The following CDKAL1 variants were observed in gnomAD, a reference collection of about 807,000 sequenced individuals.
CDKAL1 encodes the protein threonylcarbamoyladenosine tRNA methylthiotransferase.
Under a neutral mutation model 68.2 loss-of-function variants are expected in CDKAL1, and 32 were observed. The observed-to-expected ratio is 0.47, with a 90% CI of 0.35 to 0.63. CDKAL1 has a LOEUF of 0.63. CDKAL1 is among the 30% of genes least tolerant of loss of function. The pLI is 0.00. For missense variants in CDKAL1, 606 were observed against 696.7 expected, an observed-to-expected ratio of 0.87 and a Z score of 1.47; for synonymous variants, 234 against 244.3, an observed-to-expected ratio of 0.96 and a Z score of 0.39.
chr6:21,021,181 G>A (rs1269154278), intron 11 of CDKAL1, among the ~76,000 whole-genome samples: 1 of 152,158 alleles, frequency 6.6e-6, no homozygotes, highest in African/African-American at 2.4e-5. Context: ...TATCTTTGTG[G>A]TATGTGGACC....
intron 8 of CDKAL1, among the ~76,000 whole-genome samples, chr6:20,819,164 AT>A (rs1388657910): frequency 6.6e-6 from 1 of 152,004 alleles, no homozygotes; most frequent in Non-Finnish European, 1.5e-5. Flanking sequence ...CAAAACTTTG[AT>A]TTAATGTCTG....
intron 9 of CDKAL1, 101 bp from the exon 10 acceptor site, chr6:20,955,318 A>T: frequency 8.3e-7 from 1 of 1,199,798 alleles, no homozygotes; most frequent in Non-Finnish European, 1.2e-6. Flanking sequence ...GACTGCCTGA[A>T]TAATAGTGTT....
At chr6:21,069,179 T>G (rs886188144) in intron 12 of CDKAL1, among the ~76,000 whole-genome samples, 1 of 152,198 alleles carries the variant, frequency 6.6e-6, no homozygotes, top group Admixed American at 6.5e-5. Flanking sequence ...TATCTTACTA[T>G]ACTGGCAAGA....
intron 4 of CDKAL1, among the ~76,000 whole-genome samples, chr6:20,588,202 A>G (rs1211100026): frequency 6.6e-6 from 1 of 152,226 alleles, no homozygotes; most frequent in Non-Finnish European, 1.5e-5. Flanking sequence ...TCCAGTAGAG[A>G]TAATTAAGGC....
intron 15 of CDKAL1, among the ~76,000 whole-genome samples, chr6:21,206,417 T>C (rs1302306551): frequency 6.6e-6 from 1 of 152,216 alleles, no homozygotes; most frequent in Non-Finnish European, 1.5e-5. Context: ...AAAGGCTAAC[T>C]AGTTTTACTA....
intron 15 of CDKAL1, among the ~76,000 whole-genome samples, chr6:21,201,957 T>TA (rs551965098): frequency 0.12 from 18,154 of 145,574 alleles, 1,262 homozygotes; most frequent in Non-Finnish European, 0.16. Flanking sequence ...GTTAAGCGCT[T>TA]AAAAAAAAAA....
At chr6:20,988,698 G>T (rs569267506) in intron 10 of CDKAL1, among the ~76,000 whole-genome samples, 69 of 152,054 alleles carry the variant, frequency 4.5e-4, no homozygotes, top group African/African-American at 1.5e-3. Flanking sequence ...TCGCCAGGCT[G>T]GAGTGCAGTG....
intron 12 of CDKAL1, among the ~76,000 whole-genome samples, chr6:21,105,078 T>G (rs1773781516): frequency 6.6e-6 from 1 of 152,204 alleles, no homozygotes; most frequent in South Asian, 2.1e-4. Context: ...ACAAAGGAAG[T>G]GTTAGCATCC....
intron 4 of CDKAL1, among the ~76,000 whole-genome samples, chr6:20,591,691 G>A (rs182987366): frequency 1.2e-3 from 183 of 152,130 alleles, no homozygotes; most frequent in Non-Finnish European, 1.3e-3. Flanking sequence ...TAGATGTGTG[G>A]CATTATTTCT....
At chr6:20,953,884 A>G (rs1170635544) in intron 9 of CDKAL1, among the ~76,000 whole-genome samples, 3 of 152,222 alleles carry the variant, frequency 2.0e-5, no homozygotes, top group Non-Finnish European at 4.4e-5. Flanking sequence ...GATGCTAAAA[A>G]TATCTTCAGC....
chr6:20,535,615 C>G (rs909698167), intron 2 of CDKAL1, among the ~76,000 whole-genome samples: 1 of 151,956 alleles, frequency 6.6e-6, no homozygotes, highest in African/African-American at 2.4e-5. Flanking sequence ...TTTGAGATGC[C>G]CTTTTCATTT....
At chr6:20,947,756 A>G (rs912213358) in intron 9 of CDKAL1, among the ~76,000 whole-genome samples, 3 of 152,164 alleles carry the variant, frequency 2.0e-5, no homozygotes, top group Admixed American at 6.5e-5. Context: ...CCTATTTTAT[A>G]ATATAGTGTT....
chr6:20,553,797 G>A (rs1763926927), intron 4 of CDKAL1, among the ~76,000 whole-genome samples: 1 of 152,064 alleles, frequency 6.6e-6, no homozygotes, highest in Non-Finnish European at 1.5e-5. Flanking sequence ...TTTTAGTAGC[G>A]ATGGGGGTTT....
At chr6:20,771,399 A>C (rs1026330769) in intron 7 of CDKAL1, among the ~76,000 whole-genome samples, 2 of 152,152 alleles carry the variant, frequency 1.3e-5, no homozygotes, top group Admixed American at 6.5e-5. Context: ...AAGATTATTC[A>C]GTTCTTGATT....
intron 10 of CDKAL1, among the ~76,000 whole-genome samples, chr6:20,990,407 GT>G (rs1561941869): frequency 1.3e-5 from 2 of 152,286 alleles, no homozygotes; most frequent in South Asian, 2.1e-4. Context: ...AGATGAATTG[GT>G]AATGGTAAGG....
At chr6:20,844,213 A>T (rs1778285985) in intron 8 of CDKAL1, among the ~76,000 whole-genome samples, 1 of 152,220 alleles carries the variant, frequency 6.6e-6, no homozygotes, top group African/African-American at 2.4e-5. Flanking sequence ...AGAGAGAAAC[A>T]CATATTTTAA....
chr6:20,995,013 C>T (rs1191558852), intron 10 of CDKAL1, among the ~76,000 whole-genome samples: 8 of 152,230 alleles, frequency 5.3e-5, no homozygotes, highest in East Asian at 1.9e-4. Context: ...ACAGTCTTCA[C>T]AGTGTCTTCA....
At position 20,646,472 on chromosome 6, in the gene CDKAL1, T is replaced by C. The variant is rs539179938; in HGVS notation, c.287-2821T>C. Among the ~76,000 whole-genome samples the C allele has an allele frequency of 5.3e-5, 8 of 152,210 alleles. No homozygotes were observed. In the South Asian group the frequency reaches 1.7e-3, roughly 32 times the overall value. Reference sequence around the variant, plus strand: ...AGTGATAGGAATTTTTAAGCTCCATTATACTCTTGTGTATCAACTGTCATA... The same window carrying C: ...AGTGATAGGAATTTTTAAGCTCCATCATACTCTTGTGTATCAACTGTCATA... On this transcript the variant is annotated intron_variant, in intron 4 of 15. Transcript: ENST00000274695.
intron 4 of CDKAL1, among the ~76,000 whole-genome samples, chr6:20,571,493 A>G (rs1764700303): frequency 6.6e-6 from 1 of 152,110 alleles, no homozygotes; most frequent in African/African-American, 2.4e-5. Context: ...GCAATGTGAA[A>G]TGCTTAATTA....
Sources: gnomAD v4.1 joint callset for allele counts (sites outside exome capture counted in the v4.1 genomes callset) on GRCh38, gnomAD v4.1.1 for gene constraint, MANE v1.5 for transcripts, NCBI Gene and HGNC (gene_info 2026-07-23, HGNC 2026-07-21) for gene names.